The following PIR variants were observed in gnomAD, a reference collection of about 807,000 sequenced individuals.
The protein encoded by PIR is pirin.
Under a neutral mutation model 24.2 loss-of-function variants are expected in PIR, and 22 were observed. That is an observed-to-expected ratio of 0.91 (90% CI 0.65 to 1.30). PIR has a LOEUF of 1.30. PIR is among the 50% of genes most tolerant of loss of function. PIR has a pLI of 0.00. For missense variants in PIR, 220 were observed against 220.3 expected (o/e 1.00, Z 0.01); for synonymous variants, 80 against 79.6 (o/e 1.00, Z -0.03).
chrX:15,468,516 G>A (rs1206363078), intron 3 of PIR, among the ~76,000 whole-genome samples: 2 of 112,573 alleles, frequency 1.8e-5, no homozygotes, highest in East Asian at 5.6e-4. Context: ...GACTCATGTC[G>A]ATTTTCCTTT....
At chrX:15,424,443 C>T (rs371410996) in intron 6 of PIR, among the ~76,000 whole-genome samples, 12 of 93,224 alleles carry the variant, frequency 1.3e-4, no homozygotes, top group African/African-American at 4.1e-4. Context: ...TTAATGAGTA[C>T]AAATATACAA....
chrX:15,420,087 C>A (rs192295656), intron 6 of PIR, among the ~76,000 whole-genome samples: 151 of 109,482 alleles, frequency 1.4e-3, no homozygotes, highest in African/African-American at 4.3e-3. Context: ...GTCTCAGGTA[C>A]TCGGGAGGCT....
intron 8 of PIR, among the ~76,000 whole-genome samples, chrX:15,396,088 T>C (rs1471565678): frequency 8.9e-6 from 1 of 112,446 alleles, no homozygotes; most frequent in African/African-American, 3.2e-5. Context: ...AACCAGATAA[T>C]GTTACAAACC....
chrX:15,399,847 C>T (rs1924318651), intron 7 of PIR, among the ~76,000 whole-genome samples: 2 of 111,394 alleles, frequency 1.8e-5, no homozygotes, highest in African/African-American at 6.5e-5. Context: ...ACTTTAAAAA[C>T]ATTATTTGAG....
chrX:15,417,242 G>C (rs1278076870), intron 6 of PIR, among the ~76,000 whole-genome samples: 20 of 112,179 alleles, frequency 1.8e-4, no homozygotes, highest in South Asian at 3.7e-4. Context: ...GAGCCGCAGC[G>C]CCAGCTCCGG....
chrX:15,474,822 C>T (rs1922110052), intron 3 of PIR, among the ~76,000 whole-genome samples: 1 of 111,858 alleles, frequency 8.9e-6, no homozygotes, highest in African/African-American at 3.2e-5. Context: ...TCCTTTCCAA[C>T]ACTGTAACTC....
chrX:15,482,309 T>C (rs1314479096), intron 2 of PIR, among the ~76,000 whole-genome samples: 1 of 112,005 alleles, frequency 8.9e-6, no homozygotes. Flanking sequence ...ATGGTGGTGG[T>C]AGACATCCTT....
chrX:15,385,723 CAG>C (rs1923725543), intron 9 of PIR, among the ~76,000 whole-genome samples: 1 of 112,194 alleles, frequency 8.9e-6, no homozygotes, highest in Non-Finnish European at 1.9e-5. Flanking sequence ...GTGGGTCAAA[CAG>C]TGTCTGTCTC....
At chrX:15,398,665 G>GTGTGTGTGT (rs1924263143) in intron 7 of PIR, among the ~76,000 whole-genome samples, 1 of 36,363 alleles carries the variant, frequency 2.8e-5, no homozygotes, top group African/African-American at 7.7e-5. Context: ...CCTTGAGGAG[G>GTGTGTGTGT]GAGGGTGTGT....
intron 5 of PIR, among the ~76,000 whole-genome samples, chrX:15,438,187 G>C (rs374774545): frequency 8.9e-6 from 1 of 112,393 alleles, no homozygotes; most frequent in Non-Finnish European, 1.9e-5. Flanking sequence ...CTGCTGAAAG[G>C]CTGGAGCACT....
chrX:15,417,244 C>CT (rs58116678), intron 6 of PIR, among the ~76,000 whole-genome samples: 1 of 107 alleles, frequency 9.3e-3, no homozygotes, highest in Non-Finnish European at 0.017. Context: ...GCCGCAGCGC[C>CT]AGCTCCGGCT....
intron 5 of PIR, among the ~76,000 whole-genome samples, chrX:15,453,616 A>G (rs1296205310): frequency 8.9e-6 from 1 of 112,664 alleles, no homozygotes; most frequent in Non-Finnish European, 1.9e-5. Flanking sequence ...TTAGGAGAAT[A>G]TAATTCACTT....
At chrX:15,431,501 C>A (rs1925502736) in intron 5 of PIR, among the ~76,000 whole-genome samples, 1 of 111,236 alleles carries the variant, frequency 9.0e-6, no homozygotes, top group South Asian at 3.8e-4. Flanking sequence ...CACAGGGCAG[C>A]CTTTCAACTC....
chrX:15,466,666 A>C (rs1473868805), intron 3 of PIR, among the ~76,000 whole-genome samples: 1 of 112,099 alleles, frequency 8.9e-6, no homozygotes, highest in Non-Finnish European at 1.9e-5. Context: ...CACCTGGCCC[A>C]TAACAGGTGA....
intron 5 of PIR, among the ~76,000 whole-genome samples, chrX:15,426,564 CAG>C (rs1386295798): frequency 8.9e-6 from 1 of 111,983 alleles, no homozygotes; most frequent in East Asian, 2.8e-4. Context: ...AAGAGTTAAG[CAG>C]AGTTTCTAAT....
chrX:15,478,089 T>G (rs1047659281), intron 3 of PIR, among the ~76,000 whole-genome samples: 5 of 108,127 alleles, frequency 4.6e-5, no homozygotes, highest in Non-Finnish European at 5.8e-5. Context: ...ATTTAATATA[T>G]TCATTGTCTT....
Position 15,390,321 on chromosome X carries a change from G to C in PIR, c.694-70C>G, listed in dbSNP as rs1923916276. ...TTGAAGATCAAATTGTGAACAATTTGAAATTGACATGCTAGCCAAATAGGC... is the reference window on the plus strand; with the variant it reads ...TTGAAGATCAAATTGTGAACAATTTCAAATTGACATGCTAGCCAAATAGGC... On this transcript the variant is annotated intron_variant, in intron 8 of 9. Coordinates refer to ENST00000380420, the MANE Select transcript of PIR (RefSeq NM_001018109.3). The C allele has an allele frequency of 4.9e-6, 3 of 607,830 alleles. No homozygotes were observed. In the East Asian group the frequency reaches 1.0e-4, roughly 21 times the overall value. 50.1% of individuals were successfully genotyped at this position (607,830 alleles called of 1,213,427 possible). A position where few individuals can be genotyped will look rare whatever the true frequency, so the allele number is the denominator to read the frequency against.
chrX:15,396,762 G>A (rs1314891692), intron 8 of PIR, among the ~76,000 whole-genome samples: 3 of 73,763 alleles, frequency 4.1e-5, no homozygotes, highest in Admixed American at 1.5e-4. Context: ...TTTTTTTTGA[G>A]ACGGAGTCTC....
intron 6 of PIR, among the ~76,000 whole-genome samples, chrX:15,410,280 C>CA (rs1011120116): frequency 9.2e-6 from 1 of 109,017 alleles, no homozygotes; most frequent in African/African-American, 3.5e-5. Context: ...CAAAACAAAA[C>CA]AAAAAAACTA....
Sources: allele counts gnomAD v4.1 joint callset (sites outside exome capture counted in the v4.1 genomes callset), GRCh38; gene constraint gnomAD v4.1.1; transcripts MANE v1.5; gene names NCBI Gene and HGNC (gene_info 2026-07-23, HGNC 2026-07-21).